Variants in SND1 observed in about 807,000 individuals in gnomAD.
The protein encoded by SND1 is staphylococcal nuclease and tudor domain containing 1, also known as staphylococcal nuclease domain-containing protein 1.
SND1 carries 38 observed loss-of-function variants against 121.7 expected under a neutral mutation model. That is an observed-to-expected ratio of 0.31 (90% CI 0.24 to 0.41). The LOEUF (loss-of-function observed/expected upper bound fraction) is 0.41. SND1 is among the 10% of genes least tolerant of loss of function. The pLI is 1.00. For synonymous variants in SND1, 401 were observed against 447.4 expected, an observed-to-expected ratio of 0.90 and a Z score of 1.31; for missense variants, 868 against 1,184.6, an observed-to-expected ratio of 0.73 and a Z score of 3.92.
intron 12 of SND1, among the ~76,000 whole-genome samples, chr7:127,876,237 GTGTT>G (rs1193010475): frequency 6.6e-6 from 1 of 152,094 alleles, no homozygotes; most frequent in Non-Finnish European, 1.5e-5. Context: ...TGGTTGTGGT[GTGTT>G]TAAGAATGAG....
chr7:127,726,599 CTTGGCT>C (rs1022126343), intron 10 of SND1, among the ~76,000 whole-genome samples: 29 of 152,172 alleles, frequency 1.9e-4, no homozygotes, highest in African/African-American at 6.8e-4. Context: ...CTAGAGAGTG[CTTGGCT>C]TTGATCTGAA....
Position 127,707,650 on chromosome 7 carries a change from G to A in SND1, c.1038+3G>A. The A allele has an allele frequency of 6.2e-7, 1 of 1,612,992 alleles. No homozygotes were observed. ...AGGACAAGCAGTTTGTTGCCAAGGT[G>A]AGTCATTCTCAGCATCTTGATATGC... On this transcript the variant is annotated splice_donor_region_variant and intron_variant, in intron 9 of 23. Coordinates refer to ENST00000354725, the MANE Select transcript of SND1 (RefSeq NM_014390.4).
At chr7:127,738,797 A>T (rs1011111491) in intron 10 of SND1, among the ~76,000 whole-genome samples, 2 of 152,006 alleles carry the variant, frequency 1.3e-5, no homozygotes, top group Non-Finnish European at 2.9e-5. Flanking sequence ...CTAAGTTACC[A>T]GTTTCTGGCT....
chr7:128,030,094 T>G, intron 16 of SND1: 4 of 1,613,814 alleles, frequency 2.5e-6, no homozygotes, highest in Non-Finnish European at 3.4e-6. Flanking sequence ...TACTCCAGCT[T>G]CTTGAGCTCC....
chr7:127,707,766 A>AGAGT (rs1796226303), intron 9 of SND1, 119 bp downstream of exon 9: 2 of 407,410 alleles, frequency 4.9e-6, no homozygotes, highest in Admixed American at 3.1e-5. Context: ...AGCCAGTAGG[A>AGAGT]GTGTGTGTGT....
chr7:127,702,475 C>A lies in SND1; in HGVS notation c.630C>A (p.Ala210=). ...TGCGGGACGGCAGTGTGGTCAGGGC[C>A]CTGCTCCTCCCAGATTACTACCTGG... ...EHVRDGSVVR[A]LLLPDYYLVT... Residue 210 remains alanine (A), a synonymous_variant, in exon 6 of 24, where the codon GCC becomes GCA. Coordinates refer to ENST00000354725, the MANE Select transcript of SND1 (RefSeq NM_014390.4). The A allele has an allele frequency of 1.9e-6, 3 of 1,614,088 alleles. No individual in the cohort carries two copies. Among genetic ancestry groups the A allele is most frequent in the Non-Finnish European group, 2.5e-6 (3 of 1,179,984 alleles).
At chr7:128,054,451 C>T (rs574100512) in intron 16 of SND1, among the ~76,000 whole-genome samples, 1 of 152,286 alleles carries the variant, frequency 6.6e-6, no homozygotes, top group African/African-American at 2.4e-5. Flanking sequence ...GAGGGAGGCA[C>T]GAGCACCTAG....
At chr7:127,814,467 G>T (rs1006056847) in intron 11 of SND1, among the ~76,000 whole-genome samples, 8 of 152,162 alleles carry the variant, frequency 5.3e-5, no homozygotes, top group African/African-American at 1.9e-4. Flanking sequence ...ATCTTATGTT[G>T]TAGACGAGTG....
chr7:127,932,350 A>C (rs547859895), intron 15 of SND1, among the ~76,000 whole-genome samples: 1 of 152,380 alleles, frequency 6.6e-6, no homozygotes, highest in South Asian at 2.1e-4. Flanking sequence ...TTAGAAGTAG[A>C]GCCTGGGGAT....
Position 127,694,774 on chromosome 7 carries a change from A to G in SND1, c.229-54A>G, listed in dbSNP as rs1343604142. On this transcript the variant is annotated intron_variant, in intron 2 of 23. Transcript: ENST00000354725. ...AAGGTATGAAGTTGCTTGAATGCTG[A>G]TTGGCATCTGAAACTAGGCAGTTCT... 2.5e-6 allele frequency: 4 copies of G among 1,602,316 alleles called. No individual in the cohort carries two copies. In the African/African-American group the frequency reaches 5.4e-5, roughly 21 times the overall value.
intron 12 of SND1, among the ~76,000 whole-genome samples, chr7:127,879,901 TAATA>T (rs1223659259): frequency 6.6e-6 from 1 of 152,154 alleles, no homozygotes; most frequent in Non-Finnish European, 1.5e-5. Context: ...AAAGAATATG[TAATA>T]AATATATGTG....
chr7:127,842,610 C>T (rs1441033235), intron 11 of SND1, among the ~76,000 whole-genome samples: 2 of 152,160 alleles, frequency 1.3e-5, no homozygotes, highest in African/African-American at 4.8e-5. Flanking sequence ...TTTTGATTTA[C>T]ATACTGTGAA....
At chr7:128,057,430 A>G (rs1162068453) in intron 16 of SND1, among the ~76,000 whole-genome samples, 1 of 152,218 alleles carries the variant, frequency 6.6e-6, no homozygotes, top group Non-Finnish European at 1.5e-5. Context: ...CTTCTTTCTC[A>G]TAGGAAGCCC....
intron 11 of SND1, among the ~76,000 whole-genome samples, chr7:127,815,110 A>G (rs1045428819): frequency 6.6e-6 from 1 of 152,122 alleles, no homozygotes; most frequent in African/African-American, 2.4e-5. Context: ...TAACAGTTCT[A>G]TCCCATGAGT....
At chr7:127,926,553 T>C (rs920368648) in intron 14 of SND1, among the ~76,000 whole-genome samples, 13 of 135,188 alleles carry the variant, frequency 9.6e-5, no homozygotes, top group African/African-American at 3.4e-4. Context: ...CTTTTTCTTT[T>C]TTTTTTTTTT....
At chr7:127,731,163 G>A (rs1355931097) in intron 10 of SND1, among the ~76,000 whole-genome samples, 2 of 152,216 alleles carry the variant, frequency 1.3e-5, no homozygotes, top group African/African-American at 4.8e-5. Flanking sequence ...GTCGCCATGG[G>A]TGGGGGCACT....
intron 16 of SND1, among the ~76,000 whole-genome samples, chr7:128,020,280 C>T (rs1803316526): frequency 6.6e-6 from 1 of 152,210 alleles, no homozygotes; most frequent in African/African-American, 2.4e-5. Flanking sequence ...GCCTTCCCCC[C>T]TCCCAAAAGG....
chr7:127,686,095 G>A (rs1395474540), intron 1 of SND1: 1 of 152,686 alleles, frequency 6.5e-6, no homozygotes, highest in African/African-American at 2.4e-5. Flanking sequence ...TCTCCATGTT[G>A]GTCAGGCTGG....
intron 13 of SND1, among the ~76,000 whole-genome samples, chr7:127,902,507 T>G (rs1418778041): frequency 2.6e-5 from 4 of 152,154 alleles, no homozygotes; most frequent in African/African-American, 9.6e-5. Context: ...ACATGCAAGA[T>G]GTAAGCAGGG....
Sources: gnomAD v4.1 joint callset for allele counts (sites outside exome capture counted in the v4.1 genomes callset) on GRCh38, gnomAD v4.1.1 for gene constraint, MANE v1.5 for transcripts, NCBI Gene and HGNC (gene_info 2026-07-23, HGNC 2026-07-21) for gene names.